GRIK2: variants seen among roughly 807,000 people sequenced by gnomAD.
GRIK2 encodes the protein glutamate ionotropic receptor kainate type subunit 2.
Under a neutral mutation model 100.3 loss-of-function variants are expected in GRIK2, and 32 were observed. That is an observed-to-expected ratio of 0.32 (90% confidence interval 0.24 to 0.43). The LOEUF (loss-of-function observed/expected upper bound fraction) is 0.43. Among genes scored for constraint, GRIK2 ranks in the 20% least tolerant of loss-of-function variants. The probability of loss-of-function intolerance (pLI) is 1.00; values close to 1 mark genes in which losing one functional copy is unlikely to be tolerated. For synonymous variants in GRIK2, 417 were observed against 389.4 expected (o/e 1.07, Z -0.83); for missense variants, 843 against 1,114.9 (o/e 0.76, Z 3.47).
chr6:102,031,636 TC>T (rs1278666267), intron 14 of GRIK2, among the ~76,000 whole-genome samples: 2 of 151,100 alleles, frequency 1.3e-5, no homozygotes, highest in Non-Finnish European at 3.0e-5. Context: ...CCCTTGGTAA[TC>T]CCCCGTGTCT....
intron 6 of GRIK2, among the ~76,000 whole-genome samples, chr6:101,683,475 A>G (rs1406414379): frequency 2.0e-5 from 3 of 152,166 alleles, no homozygotes; most frequent in Non-Finnish European, 1.5e-5. Context: ...TTTAACCTGT[A>G]TCAAACTTAC....
chr6:101,648,110 A>G (rs2128327256), intron 4 of GRIK2, among the ~76,000 whole-genome samples: 1 of 152,172 alleles, frequency 6.6e-6, no homozygotes, highest in African/African-American at 2.4e-5. Flanking sequence ...ATTTGAGTAT[A>G]TTTCTAATCA....
chr6:101,723,785 C>G (rs1000019550), intron 7 of GRIK2, among the ~76,000 whole-genome samples: 16 of 152,030 alleles, frequency 1.1e-4, no homozygotes, highest in Non-Finnish European at 2.1e-4. Context: ...TGTTGGGCAA[C>G]ATAAGACAGC....
intron 7 of GRIK2, among the ~76,000 whole-genome samples, chr6:101,692,936 G>A (rs1418831540): frequency 6.6e-6 from 1 of 152,010 alleles, no homozygotes; most frequent in Non-Finnish European, 1.5e-5. Flanking sequence ...AAAGGACATG[G>A]AGCATGGAAT....
chr6:101,527,828 C>G (rs1469764117), intron 2 of GRIK2, among the ~76,000 whole-genome samples: 1 of 152,096 alleles, frequency 6.6e-6, no homozygotes, highest in East Asian at 1.9e-4. Context: ...CTCTTTTTCT[C>G]TAAGAAAATT....
rs1562140329 is a variant in GRIK2 at position 102,051,270 on chromosome 6, TTCCTTCC to T, written c.2312-4058_2312-4052del. Among the ~76,000 whole-genome samples, 8 of 145,716 alleles carry T rather than the reference TTCCTTCC, an allele frequency of 5.5e-5. No homozygotes were observed. In the East Asian group the frequency reaches 1.2e-3, roughly 23 times the overall value. On this transcript the variant is annotated intron_variant, in intron 15 of 16. Coordinates refer to ENST00000369134, the MANE Select transcript of GRIK2 (RefSeq NM_021956.5). ...CTCCCTCCCTTCCTTCCTTCCTTCCTTCCTTCCTTCCTTCCTTCCTTCCTTCCTTCCT... is the reference window on the plus strand; with the variant it reads ...CTCCCTCCCTTCCTTCCTTCCTTCCTTTCCTTCCTTCCTTCCTTCCTTCCT...
intron 4 of GRIK2, among the ~76,000 whole-genome samples, chr6:101,670,278 T>A (rs540748744): frequency 6.6e-6 from 1 of 152,114 alleles, no homozygotes; most frequent in Non-Finnish European, 1.5e-5. Context: ...AATGAATGAA[T>A]GAAGATAACA....
chr6:102,017,134 T>G (rs1430596745), intron 14 of GRIK2, among the ~76,000 whole-genome samples: 1 of 152,058 alleles, frequency 6.6e-6, no homozygotes, highest in Non-Finnish European at 1.5e-5. Context: ...AAGCACTAAA[T>G]ATGGAAAGGA....
At chr6:101,501,047 C>A (rs190429496) in intron 2 of GRIK2, among the ~76,000 whole-genome samples, 3 of 152,140 alleles carry the variant, frequency 2.0e-5, no homozygotes, top group Admixed American at 6.5e-5. Flanking sequence ...AATTATAATG[C>A]TGAATTACTT....
chr6:101,641,140 A>C (rs1781260983), intron 4 of GRIK2, among the ~76,000 whole-genome samples: 1 of 152,088 alleles, frequency 6.6e-6, no homozygotes, highest in Admixed American at 6.6e-5. Context: ...GTGAAGTATA[A>C]ATTGAGATTT....
chr6:101,870,891 A>G (rs114956115), intron 11 of GRIK2, among the ~76,000 whole-genome samples: 3,953 of 151,966 alleles, frequency 0.026, 206 homozygotes, highest in African/African-American at 0.09. Context: ...GATATATTGG[A>G]CGATGAGATA....
intron 14 of GRIK2, among the ~76,000 whole-genome samples, chr6:101,958,918 T>C (rs1792112315): frequency 6.6e-6 from 1 of 152,078 alleles, no homozygotes; most frequent in Non-Finnish European, 1.5e-5. Context: ...TACTGTTGCA[T>C]TTGGCTTGCT....
Position 101,682,599 on chromosome 6 carries a change from C to A in GRIK2, c.770C>A (p.Thr257Asn). 1 of 1,277,170 alleles carries A rather than the reference C, an allele frequency of 7.8e-7. No individual in the cohort carries two copies. Among genetic ancestry groups the A allele is most frequent in the Non-Finnish European group, 1.1e-6 (1 of 884,970 alleles). 79.1% of individuals were successfully genotyped at this position (1,277,170 alleles called of 1,614,324 possible). A position where few individuals can be genotyped will look rare whatever the true frequency, so the allele number is the denominator to read the frequency against. ...ACAGAATACTATCATTATATCTTTACCACTCTGGTAAGTACTTCATTAAAA... is the reference window on the plus strand; with the variant it reads ...ACAGAATACTATCATTATATCTTTAACACTCTGGTAAGTACTTCATTAAAA... ...MMTEYYHYIF[T>N]TLDLFALDVE... Residue 257 changes from threonine to asparagine, a missense_variant, in exon 6 of 17, where the codon ACC becomes AAC. Thr to Asn is a moderately conservative substitution (Grantham distance 65). Around this residue, in one of 3 missense-constraint regions of GRIK2, gnomAD observed 519 missense variants for 643.8 expected, o/e 0.81. Coordinates refer to ENST00000369134, the MANE Select transcript of GRIK2 (RefSeq NM_021956.5).
rs954812048 is a variant in GRIK2, at chr6:101,901,412, T to C, written c.1748+11549T>C. The stretch of plus-strand genomic sequence containing the variant: ...TTATTTTACTTTGACATTTGTAAAA[T>C]TGCCTGAATTCATGGCAAACAATAT... On this transcript the variant is annotated intron_variant, in intron 12 of 16. Coordinates refer to ENST00000369134, the MANE Select transcript of GRIK2 (RefSeq NM_021956.5). Among the ~76,000 whole-genome samples, 15 of 152,050 alleles carry C rather than the reference T, an allele frequency of 9.9e-5. No homozygotes were observed. The East Asian group carries it at 2.9e-3, about 29-fold the overall frequency.
intron 14 of GRIK2, among the ~76,000 whole-genome samples, chr6:101,937,205 A>C (rs1790671074): frequency 1.3e-5 from 2 of 152,114 alleles, no homozygotes; most frequent in Non-Finnish European, 2.9e-5. Flanking sequence ...AAACATGTGC[A>C]TGAGGCCCTG....
Position 102,068,697 on chromosome 6 carries a change from T to C in GRIK2, c.*186T>C, listed in dbSNP as rs548416950. 8 of 557,146 alleles carry C rather than the reference T, an allele frequency of 1.4e-5. No homozygotes were observed. The highest frequency in any genetic ancestry group is 1.3e-4 in the African/African-American group (7 of 52,420). 34.5% of individuals were successfully genotyped at this position (557,146 alleles called of 1,614,324 possible). A position where few individuals can be genotyped will look rare whatever the true frequency, so the allele number is the denominator to read the frequency against. ...GATCAGACTTGATTTACAAGCATCA[T>C]GGATCAACCAAGTTACACGGGGTTA... On this transcript the variant is annotated 3_prime_UTR_variant, in exon 17 of 17. Transcript: ENST00000369134.
chr6:101,717,481 AT>A (rs1774154504), intron 7 of GRIK2, among the ~76,000 whole-genome samples: 1 of 151,836 alleles, frequency 6.6e-6, no homozygotes, highest in Non-Finnish European at 1.5e-5. Context: ...CATTCTCTTA[AT>A]TGGGAAGAAA....
chr6:101,817,766 A>G (rs1258887846), intron 9 of GRIK2, among the ~76,000 whole-genome samples: 1 of 152,220 alleles, frequency 6.6e-6, no homozygotes, highest in Non-Finnish European at 1.5e-5. Flanking sequence ...AGAAGAAAGT[A>G]TTGGAATGTG....
chr6:101,665,057 G>A (rs1315102821), intron 4 of GRIK2, among the ~76,000 whole-genome samples: 6 of 152,104 alleles, frequency 3.9e-5, no homozygotes, highest in Admixed American at 3.3e-4. Flanking sequence ...AAATATCTTA[G>A]CCCTTGCCTT....
Sources: gnomAD v4.1 joint callset for allele counts (sites outside exome capture counted in the v4.1 genomes callset) on GRCh38, gnomAD v4.1.1 for gene constraint, gnomAD v4.1.1 regional missense constraint, MANE v1.5 for transcripts, NCBI Gene and HGNC (gene_info 2026-07-23, HGNC 2026-07-21) for gene names.